The following ZNF423 variants were observed in gnomAD, a reference collection of about 807,000 sequenced individuals.
ZNF423 encodes Ebf-associated zinc finger protein.
In ZNF423, 12 loss-of-function variants were observed where a neutral mutation model predicts 95.8. That is an observed-to-expected ratio of 0.13 (90% confidence interval 0.08 to 0.20). ZNF423 has a LOEUF of 0.20. Ranked by LOEUF, ZNF423 falls within the 10% of genes least tolerant of loss-of-function variation. ZNF423 has a pLI of 1.00. For missense variants in ZNF423, 1,316 were observed against 1,737.1 expected, an observed-to-expected ratio of 0.76 and a Z score of 4.31; for synonymous variants, 749 against 711.9, an observed-to-expected ratio of 1.05 and a Z score of -0.83.
At chr16:49,683,453 C>T (rs1276346415) in intron 3 of ZNF423, among the ~76,000 whole-genome samples, 1 of 152,138 alleles carries the variant, frequency 6.6e-6, no homozygotes, top group African/African-American at 2.4e-5. Flanking sequence ...GAGACCAACC[C>T]TCATCTCTAG....
chr16:49,497,180 C>T (rs1831928562), intron 7 of ZNF423, among the ~76,000 whole-genome samples: 1 of 152,200 alleles, frequency 6.6e-6, no homozygotes, highest in Non-Finnish European at 1.5e-5. Context: ...AATAGGTGTG[C>T]ACTCATCCAC....
In ZNF423 at chr16:49,835,934, A is replaced by C. The variant is rs529303764; in HGVS notation, c.40+19801T>G. On this transcript the variant is annotated intron_variant, in intron 1 of 7. Coordinates refer to ENST00000563137, the MANE Select transcript of ZNF423 (RefSeq NM_001379286.1). The stretch of plus-strand genomic sequence containing the variant: ...TGATGGGAAGAAGAGGCAGGCTTCC[A>C]GGCCAGGTCCTGGGCCCAAGGAGCA... Among the ~76,000 whole-genome samples the C allele has an allele frequency of 3.9e-5, 6 of 152,272 alleles. No individual in the cohort carries two copies. In the South Asian group the frequency reaches 1.2e-3, roughly 32 times the overall value.
intron 5 of ZNF423, among the ~76,000 whole-genome samples, chr16:49,621,022 T>C (rs1203356136): frequency 1.3e-5 from 2 of 151,960 alleles, no homozygotes; most frequent in Non-Finnish European, 2.9e-5. Flanking sequence ...TCCCTCTCTC[T>C]CCTTCAGCAG....
intron 5 of ZNF423, among the ~76,000 whole-genome samples, chr16:49,608,108 A>C (rs1387049704): frequency 6.6e-6 from 1 of 152,186 alleles, no homozygotes; most frequent in African/African-American, 2.4e-5. Context: ...CTATGAGTGC[A>C]CCCATCTGAT....
chr16:49,853,756 T>C, intron 1 of ZNF423: 1 of 985,388 alleles, frequency 1.0e-6, no homozygotes, highest in Non-Finnish European at 1.2e-6. Flanking sequence ...CAGAGTGGTT[T>C]TAGAACTCGG....
rs573032120 is a variant in ZNF423, at chr16:49,637,485, G to A, written c.1691C>T (p.Thr564Met). ...AKLESPVVQP[T>M]QSFMEVYSCP... ...GGAATAGACCTCCATGAAGGACTGC[G>A]TGGGCTGCACCACCGGAGACTCTAG... is the stretch of plus-strand genomic sequence containing the variant. The change falls in exon 4 of 8, where the codon ACG becomes ATG. Residue 564 changes from threonine (T) to methionine (M), a missense_variant. Around this residue, in one of 6 missense-constraint regions of ZNF423, gnomAD observed 399 missense variants for 478.5 expected, o/e 0.83. Coordinates refer to ENST00000563137, the MANE Select transcript of ZNF423 (RefSeq NM_001379286.1). The surrounding 1 kb of genome is among the most constrained non-coding windows in gnomAD (Gnocchi z 5.6). The A allele has an allele frequency of 7.4e-5, 119 of 1,614,122 alleles. No individual in the cohort carries two copies. Among genetic ancestry groups the A allele is most frequent in the African/African-American group, 1.9e-4 (14 of 75,020 alleles).
chr16:49,641,534 T>C (rs537985863), intron 3 of ZNF423, among the ~76,000 whole-genome samples: 1 of 152,128 alleles, frequency 6.6e-6, no homozygotes, highest in Non-Finnish European at 1.5e-5. Context: ...GAAACCACTA[T>C]CACTCTTGTC....
intron 5 of ZNF423, among the ~76,000 whole-genome samples, chr16:49,568,924 A>G (rs1371884588): frequency 1.3e-5 from 2 of 151,964 alleles, no homozygotes; most frequent in East Asian, 3.9e-4. Flanking sequence ...CCACCGCCAG[A>G]CCTTTAACTC....
intron 5 of ZNF423, among the ~76,000 whole-genome samples, chr16:49,586,978 C>T (rs1042750097): frequency 6.6e-6 from 1 of 152,144 alleles, no homozygotes; most frequent in East Asian, 1.9e-4. Flanking sequence ...TCACCAGGCA[C>T]AATGTCTCGT....
chr16:49,759,167 A>T (rs1016729319), intron 2 of ZNF423, among the ~76,000 whole-genome samples: 4 of 152,188 alleles, frequency 2.6e-5, no homozygotes, highest in Non-Finnish European at 5.9e-5. Flanking sequence ...TGGGAGGCCA[A>T]GACGGGCAGA....
intron 1 of ZNF423, among the ~76,000 whole-genome samples, chr16:49,837,395 T>C (rs1446370692): frequency 2.0e-5 from 3 of 152,256 alleles, no homozygotes; most frequent in East Asian, 1.9e-4. Flanking sequence ...CCCTGGAAAC[T>C]TGGAGGTGCC....
chr16:49,585,118 C>G (rs1163272452), intron 5 of ZNF423, among the ~76,000 whole-genome samples: 1 of 152,214 alleles, frequency 6.6e-6, no homozygotes, highest in African/African-American at 2.4e-5. Flanking sequence ...TCTAAATTAC[C>G]TTTAGGCTGT....
intron 3 of ZNF423, among the ~76,000 whole-genome samples, chr16:49,724,890 T>C (rs1026983059): frequency 5.9e-5 from 9 of 152,204 alleles, no homozygotes; most frequent in Admixed American, 2.6e-4. Context: ...CATTTTTTGC[T>C]GTTGCTATTT....
rs187317620 is a variant in ZNF423, at chr16:49,509,020, G to A, written c.3849+14604C>T. On this transcript the variant is annotated intron_variant, in intron 7 of 7. Transcript: ENST00000563137. ...ACCGTGAAATAAGGCAACAGCTCCC[G>A]TATACTGAGCTCCTACCATGTGTCA... Among the ~76,000 whole-genome samples the A allele has an allele frequency of 4.0e-3, 613 of 152,284 alleles. 10 individuals carry two copies. Among genetic ancestry groups the A allele is most frequent in the South Asian group, 2.9e-3 (14 of 4,830 alleles).
At chr16:49,777,345 T>C (rs1441734516) in intron 2 of ZNF423, among the ~76,000 whole-genome samples, 1 of 152,240 alleles carries the variant, frequency 6.6e-6, no homozygotes. Flanking sequence ...ATGTGCATTG[T>C]GTGGAGTACA....
chr16:49,815,914 A>ATATATATTT (rs1445194160), intron 1 of ZNF423, among the ~76,000 whole-genome samples: 2 of 29,798 alleles, frequency 6.7e-5, no homozygotes, highest in Non-Finnish European at 1.1e-4. Context: ...ATATATATAT[A>ATATATATTT]TTTTTTTTTT....
chr16:49,569,726 C>T (rs1392533936), intron 5 of ZNF423, among the ~76,000 whole-genome samples: 1 of 152,010 alleles, frequency 6.6e-6, no homozygotes, highest in African/African-American at 2.4e-5. Context: ...TAGTGGAGTG[C>T]CCGTGGAAAA....
intron 5 of ZNF423, among the ~76,000 whole-genome samples, chr16:49,545,655 T>G (rs1191770298): frequency 1.3e-5 from 2 of 152,184 alleles, no homozygotes; most frequent in African/African-American, 4.8e-5. Flanking sequence ...GGGTACAAAA[T>G]TATTGTCCAC....
chr16:49,571,971 T>C (rs1204228493), intron 5 of ZNF423, among the ~76,000 whole-genome samples: 2 of 152,198 alleles, frequency 1.3e-5, no homozygotes, highest in African/African-American at 2.4e-5. Context: ...ATCCAAAAAA[T>C]ACTGATTGAG....
Sources: gnomAD v4.1 joint callset for allele counts (sites outside exome capture counted in the v4.1 genomes callset) on GRCh38, gnomAD v4.1.1 for gene constraint, gnomAD v4.1.1 regional missense constraint, Gnocchi (gnomAD v3.1) non-coding constraint, MANE v1.5 for transcripts, NCBI Gene and HGNC (gene_info 2026-07-23, HGNC 2026-07-21) for gene names.